The following KIAA0825 variants were observed in gnomAD, a reference collection of about 807,000 sequenced individuals.
KIAA0825 encodes KIAA0825, also known as uncharacterized protein KIAA0825.
In KIAA0825, 119 loss-of-function variants were observed where a neutral mutation model predicts 147.6. That is an observed-to-expected ratio of 0.81 (90% confidence interval 0.69 to 0.94). The LOEUF (loss-of-function observed/expected upper bound fraction) is 0.94, where lower values mean the gene tolerates loss of function less well. KIAA0825 is among the 40% of genes least tolerant of loss of function. The pLI is 0.00. For synonymous variants in KIAA0825, 470 were observed against 518.1 expected (o/e 0.91, Z 1.26); for missense variants, 1,381 against 1,472.7 (o/e 0.94, Z 1.02).
intron 5 of KIAA0825, among the ~76,000 whole-genome samples, chr5:94,490,735 A>G (rs1205498163): frequency 2.0e-5 from 3 of 152,172 alleles, no homozygotes; most frequent in Non-Finnish European, 2.9e-5. Flanking sequence ...ACACATACAC[A>G]TATCTATAGG....
At chr5:94,599,725 T>C (rs913414056) in intron 1 of KIAA0825, among the ~76,000 whole-genome samples, 15 of 152,180 alleles carry the variant, frequency 9.9e-5, no homozygotes, top group African/African-American at 2.4e-4. Flanking sequence ...AGACAACCTA[T>C]GGAATAGGAG....
chr5:94,191,846 G>T (rs1770705600), intron 20 of KIAA0825, among the ~76,000 whole-genome samples: 2 of 152,160 alleles, frequency 1.3e-5, no homozygotes, highest in African/African-American at 4.8e-5. Flanking sequence ...CCCCCACTGG[G>T]GATCCAAGTG....
rs140243647 is a variant in KIAA0825 at position 94,211,763 on chromosome 5, T to C, written c.3711-57639A>G. ...ACCCTGTTCCCTACTGGATGTTATC[T>C]GCATCTGATCATATTGGATCCAAGT... On this transcript the variant is annotated intron_variant, in intron 20 of 20. Transcript: ENST00000682413. 1.5e-3 allele frequency among the ~76,000 whole-genome samples: 233 copies of C among 152,348 alleles called. 1 individual carries two copies. Among genetic ancestry groups the C allele is most frequent in the African/African-American group, 5.1e-3 (212 of 41,580 alleles).
chr5:94,184,578 C>G (rs1769952279), intron 20 of KIAA0825, among the ~76,000 whole-genome samples: 1 of 152,100 alleles, frequency 6.6e-6, no homozygotes, highest in South Asian at 2.1e-4. Context: ...TCTATCTTGT[C>G]TATATTCAAC....
Position 94,506,664 on chromosome 5 carries a change from A to G in KIAA0825, c.970+13584T>C, listed in dbSNP as rs115847918. Among the ~76,000 whole-genome samples, 616 of 152,330 alleles carry G rather than the reference A, an allele frequency of 4.0e-3. 5 individuals are homozygous for G. Among genetic ancestry groups the G allele is most frequent in the African/African-American group, 0.014 (571 of 41,564 alleles). On this transcript the variant is annotated intron_variant, in intron 5 of 20. Transcript: ENST00000682413. ...TGATCTGGAGACAAAACTATTAAAT[A>G]TACTTTTTAAAAATATATATTTACA...
intron 20 of KIAA0825, among the ~76,000 whole-genome samples, chr5:94,240,758 C>A (rs374885529): frequency 5.3e-5 from 8 of 152,274 alleles, no homozygotes; most frequent in African/African-American, 1.9e-4. Flanking sequence ...CTTAAGTGAG[C>A]AAATGATTCC....
intron 8 of KIAA0825, 77 bp from the exon 9 acceptor site, chr5:94,471,808 T>C: frequency 7.6e-7 from 1 of 1,307,208 alleles, no homozygotes. Context: ...TGGAGCCAAA[T>C]TCCTAAATAA....
rs1767958452 is a variant in KIAA0825 at position 94,520,474 on chromosome 5, C to T, written c.744G>A (p.Met248Ile). ...DVIAHGYQST[M>I]LKLYSVIKED... ...CTTTTATTACTGAGTATAACTTAAG[C>T]ATTGTACTTTGATATCCATGAGCTA... The change falls in exon 5 of 21, where the codon ATG becomes ATA. Residue 248 changes from methionine to isoleucine, a missense_variant. Physicochemically the swap from Met to Ile is conservative, Grantham distance 10. Transcript: ENST00000682413. The T allele has an allele frequency of 1.9e-6, 3 of 1,612,516 alleles. No homozygotes were observed. The highest frequency in any genetic ancestry group is 2.2e-5 in the South Asian group (2 of 91,038).
At chr5:94,195,992 T>C (rs1771095646) in intron 20 of KIAA0825, among the ~76,000 whole-genome samples, 1 of 152,162 alleles carries the variant, frequency 6.6e-6, no homozygotes, top group South Asian at 2.1e-4. Context: ...CACCTGCATC[T>C]CTGCAGGAGG....
intron 20 of KIAA0825, among the ~76,000 whole-genome samples, chr5:94,298,230 A>G (rs1330112435): frequency 6.6e-6 from 1 of 151,956 alleles, no homozygotes. Flanking sequence ...CCCGGGTGAC[A>G]GTGCAAGACT....
At chr5:94,386,502 T>G in intron 18 of KIAA0825, 98 bp from the exon 19 acceptor site, 2 of 998,046 alleles carry the variant, frequency 2.0e-6, no homozygotes, top group Non-Finnish European at 2.9e-6. Flanking sequence ...TCAGCACATT[T>G]GCTAGATTAC....
chr5:94,485,048 A>G (rs1762889481), intron 5 of KIAA0825, 118 bp from the exon 6 acceptor site: 2 of 602,160 alleles, frequency 3.3e-6, no homozygotes, highest in East Asian at 6.8e-5. Flanking sequence ...CCATAATTAA[A>G]CCAAATTAGT....
At chr5:94,544,536 T>C (rs1374814263) in intron 2 of KIAA0825, among the ~76,000 whole-genome samples, 1 of 152,172 alleles carries the variant, frequency 6.6e-6, no homozygotes, top group Admixed American at 6.5e-5. Context: ...CTCCAGTTTA[T>C]TCATTGGTCT....
intron 17 of KIAA0825, among the ~76,000 whole-genome samples, chr5:94,393,904 A>C (rs913992276): frequency 6.6e-6 from 1 of 151,024 alleles, no homozygotes; most frequent in Admixed American, 6.6e-5. Flanking sequence ...GCTGGAGTGC[A>C]ATGGCGCAAT....
intron 1 of KIAA0825, among the ~76,000 whole-genome samples, chr5:94,591,840 T>TGGTACCTACCTACC (rs1784409147): frequency 6.6e-6 from 1 of 152,070 alleles, no homozygotes; most frequent in Non-Finnish European, 1.5e-5. Flanking sequence ...AGCAAAGGCA[T>TGGTACCTACCTACC]ATATTACATG....
chr5:94,366,267 TAAAG>T (rs925653212), intron 20 of KIAA0825, among the ~76,000 whole-genome samples: 1 of 152,184 alleles, frequency 6.6e-6, no homozygotes, highest in Non-Finnish European at 1.5e-5. Flanking sequence ...AGGCAGCGGG[TAAAG>T]TGAACCCACT....
rs1419092177 is a variant in KIAA0825 at position 94,612,088 on chromosome 5, G to A, written c.-153+6412C>T. ...GTTTGCATTTCTAAACTGTTACTGG[G>A]AACAGATGTTTTGATTCCTAACTGT... On this transcript the variant is annotated intron_variant, in intron 1 of 20. Coordinates refer to ENST00000682413, the MANE Select transcript of KIAA0825 (RefSeq NM_001145678.3). Among the ~76,000 whole-genome samples, 4 of 152,262 alleles carry A rather than the reference G, an allele frequency of 2.6e-5. No individual in the cohort carries two copies. The East Asian group carries it at 7.7e-4, about 29-fold the overall frequency.
At chr5:94,421,159 T>C (rs749563209) in intron 14 of KIAA0825, among the ~76,000 whole-genome samples, 1 of 152,218 alleles carries the variant, frequency 6.6e-6, no homozygotes, top group South Asian at 2.1e-4. Context: ...TTGGTCTGTG[T>C]CTTAACTACT....
chr5:94,519,372 C>G (rs1306234457), intron 5 of KIAA0825: 1 of 891,516 alleles, frequency 1.1e-6, no homozygotes, highest in Non-Finnish European at 1.3e-6. Context: ...CAGAAATACA[C>G]CTCAGATTTT....
Sources: gnomAD v4.1 joint callset for allele counts (sites outside exome capture counted in the v4.1 genomes callset) on GRCh38, gnomAD v4.1.1 for gene constraint, MANE v1.5 for transcripts, NCBI Gene and HGNC (gene_info 2026-07-23, HGNC 2026-07-21) for gene names.